The following MAGI3 variants were observed in gnomAD, a reference collection of about 807,000 sequenced individuals.
The protein encoded by MAGI3 is membrane associated guanylate kinase, WW and PDZ domain containing 3.
A neutral mutation model predicts 121.8 loss-of-function variants in MAGI3; 43 were observed. That is an observed-to-expected ratio of 0.35 (90% CI 0.28 to 0.46). The LOEUF is 0.46. MAGI3 is among the 20% of genes least tolerant of loss of function. The pLI is 1.00. For synonymous variants in MAGI3, 553 were observed against 639.3 expected (o/e 0.86, Z 2.04); for missense variants, 1,547 against 1,797.3 (o/e 0.86, Z 2.52).
chr1:113,622,963 T>C lies in MAGI3; in HGVS notation c.1329T>C (p.Gly443=), dbSNP rs775881291. 4 of 1,555,360 alleles carry C rather than the reference T, an allele frequency of 2.6e-6. No individual in the cohort carries two copies. The highest frequency in any genetic ancestry group is 1.3e-5 in the South Asian group (1 of 78,646). ...AAGTGAAAAATGTGCTGAAAGATGG[T>C]CCCGCAGCTCAGGATGGGAAAATTG... ...FLQVKNVLKD[G]PAAQDGKIAP... Residue 443 remains glycine, a synonymous_variant, in exon 9 of 21, where the codon GGT becomes GGC. Coordinates refer to ENST00000307546, the MANE Select transcript of MAGI3 (RefSeq NM_001142782.2).
At chr1:113,536,973 A>C (rs1659036981) in intron 1 of MAGI3, among the ~76,000 whole-genome samples, 1 of 152,070 alleles carries the variant, frequency 6.6e-6, no homozygotes, top group African/African-American at 2.4e-5. Context: ...CCCCCTGTAC[A>C]TTCTCCACAC....
intron 2 of MAGI3, among the ~76,000 whole-genome samples, chr1:113,553,729 G>A (rs966932911): frequency 6.6e-5 from 10 of 152,250 alleles, no homozygotes; most frequent in African/African-American, 2.4e-4. Context: ...GAAAGATAGT[G>A]TCTGGGCTCA....
intron 1 of MAGI3, among the ~76,000 whole-genome samples, chr1:113,479,483 C>A (rs548732858): frequency 1.2e-4 from 18 of 152,294 alleles, no homozygotes; most frequent in African/African-American, 4.3e-4. Flanking sequence ...GTCTTAAAAT[C>A]GTTCCCTTGT....
intron 16 of MAGI3, among the ~76,000 whole-genome samples, chr1:113,671,323 T>G (rs1018594491): frequency 1.3e-5 from 2 of 152,192 alleles, no homozygotes; most frequent in African/African-American, 4.8e-5. Context: ...GGCCTCCGTG[T>G]TCCAGCATTC....
At chr1:113,679,161 A>G (rs1007109680) in intron 19 of MAGI3, among the ~76,000 whole-genome samples, 2 of 152,116 alleles carry the variant, frequency 1.3e-5, no homozygotes, top group African/African-American at 2.4e-5. Context: ...GGTATATTGC[A>G]TGATTCTGAG....
At chr1:113,578,611 C>T (rs1647808412) in intron 2 of MAGI3, among the ~76,000 whole-genome samples, 1 of 151,938 alleles carries the variant, frequency 6.6e-6, no homozygotes, top group Non-Finnish European at 1.5e-5. Context: ...TTTATAGAGA[C>T]GAGGTCTTAC....
intron 16 of MAGI3, among the ~76,000 whole-genome samples, chr1:113,670,076 A>G (rs944095751): frequency 4.0e-5 from 6 of 151,772 alleles, no homozygotes; most frequent in African/African-American, 1.5e-4. Context: ...ACTTGACCTT[A>G]AAGAGGAAAC....
intron 1 of MAGI3, among the ~76,000 whole-genome samples, chr1:113,412,460 A>G (rs1238986733): frequency 1.3e-5 from 2 of 152,146 alleles, no homozygotes; most frequent in African/African-American, 2.4e-5. Context: ...TGTCTTCCAC[A>G]ATGATTGAAC....
chr1:113,405,234 G>A (rs1651609644), intron 1 of MAGI3, among the ~76,000 whole-genome samples: 1 of 151,978 alleles, frequency 6.6e-6, no homozygotes, highest in Non-Finnish European at 1.5e-5. Flanking sequence ...AATCACTTTG[G>A]GAGGCCAAGG....
chr1:113,594,513 C>G lies in MAGI3; in HGVS notation c.971C>G (p.Pro324Arg). The G allele has an allele frequency of 6.2e-7, 1 of 1,613,150 alleles. No homozygotes were observed. The highest frequency in any genetic ancestry group is 8.5e-7 in the Non-Finnish European group (1 of 1,179,532). The change falls in exon 6 of 21, where the codon CCT (proline) becomes CGT (arginine). Residue 324 changes from proline (P) to arginine (R), a missense_variant. Pro to Arg is a moderately radical substitution (Grantham distance 103). Coordinates refer to ENST00000307546, the MANE Select transcript of MAGI3 (RefSeq NM_001142782.2). ...ACCAAGACAACCACCTGGTTGGATCCTCGTCTTTGTAAGAAAGCCAAAGCC... is the reference window on the plus strand; with the variant it reads ...ACCAAGACAACCACCTGGTTGGATCGTCGTCTTTGTAAGAAAGCCAAAGCC... Reference protein sequence around the residue: ...HNTKTTTWLDPRLCKKAKAPE... With the variant: ...HNTKTTTWLDRRLCKKAKAPE...
intron 1 of MAGI3, among the ~76,000 whole-genome samples, chr1:113,537,724 C>A (rs949032163): frequency 1.3e-5 from 2 of 152,016 alleles, no homozygotes; most frequent in African/African-American, 2.4e-5. Flanking sequence ...TAAATTTTTT[C>A]TTTCATTTTT....
In MAGI3 at chr1:113,646,642, C is replaced by T. The variant is rs745609197; in HGVS notation, c.2155C>T (p.Pro719Ser). Residue 719 changes from proline (P) to serine (S), a missense_variant and splice_region_variant, in exon 12 of 21, where the codon CCA becomes TCA. Physicochemically the swap from Pro to Ser is moderately conservative, Grantham distance 74. Transcript: ENST00000307546. ...ATCTAAGACTTTATATGAAGATAAACGTAAGTAGTTGTGGAATATTTCAGG... is the reference window on the plus strand; with the variant it reads ...ATCTAAGACTTTATATGAAGATAAATGTAAGTAGTTGTGGAATATTTCAGG... Reference protein sequence around the residue: ...LKSKTLYEDKPPNTKDLDVFL... With the variant: ...LKSKTLYEDKSPNTKDLDVFL... 34 of 1,581,074 alleles carry T rather than the reference C, an allele frequency of 2.2e-5. No homozygotes were observed. Among genetic ancestry groups the T allele is most frequent in the East Asian group, 1.3e-4 (6 of 44,514 alleles).
At chr1:113,416,746 G>C (rs1652472758) in intron 1 of MAGI3, among the ~76,000 whole-genome samples, 1 of 151,394 alleles carries the variant, frequency 6.6e-6, no homozygotes, top group Admixed American at 6.6e-5. Flanking sequence ...AATAGGTTTG[G>C]TTGCAATGAT....
chr1:113,646,202 G>A (rs1003662918), intron 11 of MAGI3, among the ~76,000 whole-genome samples: 3 of 152,038 alleles, frequency 2.0e-5, no homozygotes, highest in Non-Finnish European at 2.9e-5. Flanking sequence ...GTCAATTTGT[G>A]TCTTGGTGGT....
chr1:113,580,270 A>G (rs1647926557), intron 2 of MAGI3, among the ~76,000 whole-genome samples: 1 of 152,180 alleles, frequency 6.6e-6, no homozygotes, highest in Non-Finnish European at 1.5e-5. Context: ...TCTAGTAAGT[A>G]GAATGTTTAC....
chr1:113,616,769 G>A (rs1049670513), intron 7 of MAGI3, among the ~76,000 whole-genome samples: 1 of 151,926 alleles, frequency 6.6e-6, no homozygotes, highest in African/African-American at 2.4e-5. Flanking sequence ...TTGGGGGTAC[G>A]TAGTGATGTT....
intron 7 of MAGI3, among the ~76,000 whole-genome samples, chr1:113,617,737 T>C (rs1324693681): frequency 1.3e-5 from 2 of 152,210 alleles, no homozygotes; most frequent in East Asian, 3.9e-4. Context: ...TTTCTGAGTG[T>C]CAATTTTTAG....
At chr1:113,623,453 TAC>T (rs796174057) in intron 9 of MAGI3, among the ~76,000 whole-genome samples, 117 of 126,108 alleles carry the variant, frequency 9.3e-4, no homozygotes, top group African/African-American at 3.1e-3. Flanking sequence ...TACACACACA[TAC>T]ACACACACAC....
intron 1 of MAGI3, among the ~76,000 whole-genome samples, chr1:113,539,819 C>G (rs1161882454): frequency 4.1e-5 from 6 of 146,586 alleles, no homozygotes. Flanking sequence ...GATAGGATCT[C>G]ATTCTGTTCC....
Sources: allele counts gnomAD v4.1 joint callset (sites outside exome capture counted in the v4.1 genomes callset), GRCh38; gene constraint gnomAD v4.1.1; transcripts MANE v1.5; gene names NCBI Gene and HGNC (gene_info 2026-07-23, HGNC 2026-07-21).